Variants in TNR observed in about 807,000 individuals in gnomAD.
TNR encodes tenascin-R.
A neutral mutation model predicts 150.4 loss-of-function variants in TNR; 45 were observed. That is an observed-to-expected ratio of 0.30 (90% CI 0.24 to 0.38). The LOEUF (loss-of-function observed/expected upper bound fraction) is 0.38, where lower values mean the gene tolerates loss of function less well. Among genes scored for constraint, TNR ranks in the 10% least tolerant of loss-of-function variants. TNR has a pLI of 1.00. For missense variants in TNR, 1,544 were observed against 1,759.1 expected (o/e 0.88, Z 2.19); for synonymous variants, 687 against 678.4 (o/e 1.01, Z -0.20).
chr1:175,480,923 G>C (rs541421390), intron 2 of TNR, among the ~76,000 whole-genome samples: 1 of 152,000 alleles, frequency 6.6e-6, no homozygotes, highest in Non-Finnish European at 1.5e-5. Flanking sequence ...AACTTACATG[G>C]TTCTGTATTT....
intron 1 of TNR, among the ~76,000 whole-genome samples, chr1:175,575,330 A>G (rs1180446451): frequency 3.3e-5 from 5 of 152,184 alleles, no homozygotes; most frequent in Non-Finnish European, 7.3e-5. Flanking sequence ...AGCATTTTTT[A>G]CTATAGCATA....
At chr1:175,484,262 T>G (rs559306848) in intron 2 of TNR, among the ~76,000 whole-genome samples, 11 of 152,322 alleles carry the variant, frequency 7.2e-5, no homozygotes, top group African/African-American at 2.4e-4. Context: ...CCTAAATGTG[T>G]TACTTTTCCT....
chr1:175,741,029 T>C (rs1443374748), intron 1 of TNR, among the ~76,000 whole-genome samples: 1 of 152,206 alleles, frequency 6.6e-6, no homozygotes. Context: ...CTCTTGGCCA[T>C]CTTCTTAGCT....
chr1:175,650,801 ATTACTACCTGTCCCCC>A (rs1664945379), intron 1 of TNR, among the ~76,000 whole-genome samples: 4 of 728 alleles, frequency 5.5e-3, no homozygotes, highest in South Asian at 0.038. Context: ...CCCCCATCTC[ATTACTACCTGTCCCCC>A]ACCTCCTTAC....
chr1:175,609,536 G>A (rs372702968), intron 1 of TNR, among the ~76,000 whole-genome samples: 129 of 152,248 alleles, frequency 8.5e-4, no homozygotes, highest in African/African-American at 3.1e-3. Context: ...ACATAGTAGT[G>A]GTGTCATCTG....
chr1:175,597,031 A>C (rs979111354), intron 1 of TNR, among the ~76,000 whole-genome samples: 3 of 152,224 alleles, frequency 2.0e-5, no homozygotes, highest in Non-Finnish European at 4.4e-5. Context: ...GCTCCTTCCC[A>C]CTTGCTTTTA....
rs545551580 is a variant in TNR, at chr1:175,565,385, C to G, written c.-164-37016G>C. 3.9e-5 allele frequency among the ~76,000 whole-genome samples: 6 copies of G among 152,282 alleles called. No individual in the cohort carries two copies. The South Asian group carries it at 1.2e-3, about 32-fold the overall frequency. On this transcript the variant is annotated intron_variant, in intron 1 of 22. Coordinates refer to ENST00000367674, the MANE Select transcript of TNR (RefSeq NM_003285.3). ...TGGAGGATGAAAACAATAGGTTGAC[C>G]TTTACAAATATACAGTATTAGATTT... is the stretch of plus-strand genomic sequence containing the variant.
intron 1 of TNR, among the ~76,000 whole-genome samples, chr1:175,667,039 C>T (rs1160151665): frequency 6.6e-6 from 1 of 152,198 alleles, no homozygotes; most frequent in African/African-American, 2.4e-5. Context: ...AGGAATGAGC[C>T]ACCATACCCA....
At chr1:175,392,625 T>C (rs1295800801) in intron 6 of TNR, among the ~76,000 whole-genome samples, 1 of 152,202 alleles carries the variant, frequency 6.6e-6, no homozygotes, top group Non-Finnish European at 1.5e-5. Flanking sequence ...TTAACTCAAA[T>C]AGGACACATT....
intron 1 of TNR, among the ~76,000 whole-genome samples, chr1:175,590,974 C>T (rs79158570): frequency 0.025 from 3,875 of 152,254 alleles, 151 homozygotes; most frequent in African/African-American, 0.088. Flanking sequence ...AACCAGGTAA[C>T]AACAAGGAGT....
intron 1 of TNR, among the ~76,000 whole-genome samples, chr1:175,661,910 A>C (rs1351045031): frequency 6.6e-6 from 1 of 150,774 alleles, no homozygotes; most frequent in Non-Finnish European, 1.5e-5. Flanking sequence ...GAGAGGCTGC[A>C]TTCACTGCTC....
intron 2 of TNR, among the ~76,000 whole-genome samples, chr1:175,422,693 C>A (rs945401798): frequency 2.0e-5 from 3 of 152,218 alleles, no homozygotes; most frequent in African/African-American, 7.2e-5. Context: ...ATTACAGCTG[C>A]CTGTCACATT....
intron 1 of TNR, among the ~76,000 whole-genome samples, chr1:175,682,375 G>A (rs1158385153): frequency 2.0e-5 from 3 of 152,134 alleles, no homozygotes; most frequent in South Asian, 2.1e-4. Flanking sequence ...AGGCAGAGAC[G>A]CCGCTCAGAG....
chr1:175,700,075 C>T (rs1666642434), intron 1 of TNR, among the ~76,000 whole-genome samples: 1 of 151,478 alleles, frequency 6.6e-6, no homozygotes, highest in Non-Finnish European at 1.5e-5. Flanking sequence ...CCACCATGAC[C>T]CCAAGCGAAG....
chr1:175,501,187 G>A (rs1658720973), intron 2 of TNR, among the ~76,000 whole-genome samples: 1 of 152,162 alleles, frequency 6.6e-6, no homozygotes, highest in African/African-American at 2.4e-5. Flanking sequence ...CTAATCATGT[G>A]AGCCTTTAAA....
At chr1:175,550,436 A>C (rs1396231124) in intron 1 of TNR, among the ~76,000 whole-genome samples, 1 of 152,190 alleles carries the variant, frequency 6.6e-6, no homozygotes. Context: ...GTGTGAGGTG[A>C]AGTACTAAAA....
chr1:175,665,712 C>G (rs185463972), intron 1 of TNR, among the ~76,000 whole-genome samples: 170 of 152,318 alleles, frequency 1.1e-3, no homozygotes, highest in African/African-American at 4.0e-3. Flanking sequence ...TTCACCTGTA[C>G]CAGGCACTGT....
chr1:175,518,656 C>T (rs1659508501), intron 2 of TNR, among the ~76,000 whole-genome samples: 1 of 152,130 alleles, frequency 6.6e-6, no homozygotes, highest in Non-Finnish European at 1.5e-5. Context: ...TTAAGATGAT[C>T]ATCTTTTTCC....
At position 175,355,548 on chromosome 1, in the gene TNR, A is replaced by G. The variant is rs1482306812; in HGVS notation, c.3204T>C (p.Ile1068=). The change falls in exon 17 of 23, where the codon ATT becomes ATC. Residue 1068 remains isoleucine (I), a synonymous_variant. Coordinates refer to ENST00000367674, the MANE Select transcript of TNR (RefSeq NM_003285.3). The part of the protein sequence containing the change: ...LISWQPPRAE[I]ENYVLTYKST... ...ATTTGTAGGTCAAGACATAATTTTC[A>G]ATCTCTGCCCTGGGAGGCTGCCAGG... The G allele has an allele frequency of 6.2e-7, 1 of 1,614,106 alleles. No individual in the cohort carries two copies. Among genetic ancestry groups the G allele is most frequent in the South Asian group, 1.1e-5 (1 of 91,084 alleles).
Sources: gnomAD v4.1 joint callset for allele counts (sites outside exome capture counted in the v4.1 genomes callset) on GRCh38, gnomAD v4.1.1 for gene constraint, MANE v1.5 for transcripts, NCBI Gene and HGNC (gene_info 2026-07-23, HGNC 2026-07-21) for gene names.